ZNF469: variants seen among roughly 807,000 people sequenced by gnomAD.
ZNF469 encodes the protein zinc finger protein 469.
In ZNF469, 1 loss-of-function variant was observed where a neutral mutation model predicts 1.0. The observed-to-expected ratio is 1.00, with a 90% CI of 0.35 to 4.73. ZNF469 has a LOEUF of 4.73. Ranked by LOEUF, ZNF469 falls within the 30% of genes most tolerant of loss-of-function variation. The pLI, the probability that ZNF469 is intolerant of heterozygous loss-of-function variation, is 0.16. For missense variants in ZNF469, 6,100 were observed against 5,356.3 expected, an observed-to-expected ratio of 1.14 and a Z score of -4.33; for synonymous variants, 2,703 against 2,363.4, an observed-to-expected ratio of 1.14 and a Z score of -4.17.
the ZNF469 span, among the ~76,000 whole-genome samples, chr16:88,200,346 C>G: frequency 1.6e-4 from 24 of 152,326 alleles, no homozygotes; most frequent in Non-Finnish European, 3.5e-4. Context: ...GTTGCTTGGA[C>G]AGAAGCCTCA....
chr16:88,428,993 C>T lies in ZNF469; in HGVS notation c.1523C>T (p.Ala508Val), dbSNP rs1567509733. 1.7e-5 allele frequency: 26 copies of T among 1,549,208 alleles called. No individual in the cohort carries two copies. The highest frequency in any genetic ancestry group is 3.6e-5 in the South Asian group (3 of 84,016). ...ATGCTGAGCCGGCTGCCTTTCCCCG[C>T]GGGGGGCCCCGAGTGGCAGGGGGGC... ...MEMLSRLPFP[A>V]GGPEWQGGSQ... The change falls in exon 3 of 3, where the codon GCG becomes GTG. Residue 508 changes from alanine to valine, a missense_variant. Transcript: ENST00000565624.
the ZNF469 span, among the ~76,000 whole-genome samples, chr16:88,246,004 G>T: frequency 6.6e-6 from 1 of 152,276 alleles, no homozygotes; most frequent in African/African-American, 2.4e-5. Flanking sequence ...GGACGCATCC[G>T]CCTGGGCGCC....
chr16:88,128,640 C>T, the ZNF469 span, among the ~76,000 whole-genome samples: 398 of 152,344 alleles, frequency 2.6e-3, 1 homozygote, highest in Non-Finnish European at 3.1e-3. Flanking sequence ...GGCTTCTCTC[C>T]CCCGACCCAG....
the ZNF469 span, among the ~76,000 whole-genome samples, chr16:88,266,899 C>G: frequency 6.6e-6 from 1 of 152,240 alleles, no homozygotes; most frequent in South Asian, 2.1e-4. Context: ...ACAAGAATGA[C>G]ACACTTTGTA....
At chr16:88,221,474 T>C in the ZNF469 span, among the ~76,000 whole-genome samples, 7 of 152,246 alleles carry the variant, frequency 4.6e-5, no homozygotes, top group African/African-American at 1.7e-4. Context: ...CAGGGCCTTG[T>C]AGACGAGCAA....
At chr16:88,388,026 C>T (rs1457297159) in intron 1 of ZNF469, among the ~76,000 whole-genome samples, 3 of 152,252 alleles carry the variant, frequency 2.0e-5, no homozygotes, top group African/African-American at 7.2e-5. Flanking sequence ...CCTCGGTTTG[C>T]GTTACCAAGT....
the ZNF469 span, among the ~76,000 whole-genome samples, chr16:88,139,939 C>A: frequency 2.0e-5 from 3 of 152,194 alleles, no homozygotes; most frequent in African/African-American, 7.2e-5. Flanking sequence ...CTCCAAACAA[C>A]AGCATCAACA....
the ZNF469 span, among the ~76,000 whole-genome samples, chr16:88,370,596 G>A: frequency 5.3e-5 from 8 of 152,142 alleles, no homozygotes; most frequent in East Asian, 1.9e-4. Flanking sequence ...CGTGCCTCAC[G>A]TGTGTCACAT....
At chr16:88,244,923 G>A in the ZNF469 span, among the ~76,000 whole-genome samples, 1 of 151,910 alleles carries the variant, frequency 6.6e-6, no homozygotes, top group African/African-American at 2.4e-5. Context: ...ACCCTCTGAA[G>A]TAGTGCACAA....
chr16:88,337,250 A>T, the ZNF469 span, among the ~76,000 whole-genome samples: 1 of 152,130 alleles, frequency 6.6e-6, no homozygotes. Context: ...TAACTGAATC[A>T]TGGGGGCGGG....
chr16:88,432,062 A>C lies in ZNF469; in HGVS notation c.4592A>C (p.Glu1531Ala). Residue 1531 changes from glutamate to alanine, a missense_variant, in exon 3 of 3, where the codon GAA (glutamate) becomes GCA (alanine). Physicochemically the swap from Glu to Ala is moderately radical, Grantham distance 107 (BLOSUM62 -1). Transcript: ENST00000565624. ...GKVLSKTCPP[E>A]RTVVPGAAPS... Reference sequence around the variant, plus strand: ...GTGCTCAGTAAGACGTGTCCCCCTGAACGGACAGTGGTTCCCGGCGCCGCC... The same window carrying C: ...GTGCTCAGTAAGACGTGTCCCCCTGCACGGACAGTGGTTCCCGGCGCCGCC... The C allele has an allele frequency of 1.3e-6, 2 of 1,550,454 alleles. No homozygotes were observed. The highest frequency in any genetic ancestry group is 1.7e-6 in the Non-Finnish European group (2 of 1,146,984).
the ZNF469 span, among the ~76,000 whole-genome samples, chr16:88,186,140 A>G: frequency 8.6e-5 from 13 of 152,008 alleles, no homozygotes; most frequent in Non-Finnish European, 1.6e-4. Flanking sequence ...CTTCCTGTGG[A>G]GTGTATTCGA....
chr16:88,109,722 A>T, the ZNF469 span, among the ~76,000 whole-genome samples: 6 of 150,616 alleles, frequency 4.0e-5, no homozygotes, highest in African/African-American at 1.5e-4. Context: ...CCTCTCCGGG[A>T]TCAGGAGGTG....
chr16:88,430,407 GC>G lies in ZNF469; in HGVS notation c.2941del (p.Arg981GlyfsTer72). 6.6e-7 allele frequency: 1 copy of G among 1,520,902 alleles called. No individual in the cohort carries two copies. Among genetic ancestry groups the G allele is most frequent in the Non-Finnish European group, 8.8e-7 (1 of 1,138,624 alleles). 94.2% of individuals were successfully genotyped at this position (1,520,902 alleles called of 1,614,324 possible). On this transcript the variant is annotated frameshift_variant, in exon 3 of 3. Transcript: ENST00000565624. LOFTEE classifies it low-confidence loss of function (END_TRUNC). ...GCGGCGGCAGAGCCTCCGGCCTGAG[GC>G]CCCGGAGGAACGACGGTCTCGGGGA... ...GGGGRASGLR[P>X]RRNDGLGERP...
At position 88,433,328 on chromosome 16, in the gene ZNF469, G is replaced by A; in HGVS notation, c.5858G>A (p.Gly1953Asp). ...GTVEGGKVAC[G>D]PAQGSPGGVQ... is the part of the protein sequence containing the mutation. The stretch of plus-strand genomic sequence containing the variant: ...GTGGAAGGAGGGAAGGTGGCCTGTG[G>A]CCCCGCCCAGGGCTCCCCAGGGGGT... Residue 1953 changes from glycine to aspartate, a missense_variant, in exon 3 of 3, where the codon GGC (glycine) becomes GAC (aspartate). By Grantham distance (94) the Gly-to-Asp change is moderately conservative. Coordinates refer to ENST00000565624, the MANE Select transcript of ZNF469 (RefSeq NM_001367624.2). The A allele has an allele frequency of 6.5e-7, 1 of 1,550,318 alleles. No homozygotes were observed. The highest frequency in any genetic ancestry group is 8.7e-7 in the Non-Finnish European group (1 of 1,146,926).
the ZNF469 span, among the ~76,000 whole-genome samples, chr16:88,283,346 T>A: frequency 3.3e-5 from 5 of 150,936 alleles, no homozygotes; most frequent in South Asian, 1.0e-3. Context: ...GTTAACGCAG[T>A]ACACCCTGAA....
the ZNF469 span, among the ~76,000 whole-genome samples, chr16:88,229,704 C>A: frequency 1.3e-5 from 2 of 152,132 alleles, no homozygotes; most frequent in South Asian, 2.1e-4. Context: ...GGATGTCACA[C>A]GTGTGTGCTG....
the ZNF469 span, among the ~76,000 whole-genome samples, chr16:88,330,714 T>C: frequency 1.3e-5 from 2 of 152,162 alleles, no homozygotes; most frequent in Non-Finnish European, 2.9e-5. Flanking sequence ...AAGTTTTCTC[T>C]CCTGGCCCTC....
the ZNF469 span, chr16:88,302,579 A>G: frequency 2.6e-5 from 4 of 152,244 alleles, no homozygotes; most frequent in African/African-American, 9.7e-5. Context: ...AAGGTTCTCC[A>G]TTGCCCTGGT....
Sources: gnomAD v4.1 joint callset for allele counts (sites outside exome capture counted in the v4.1 genomes callset) on GRCh38, gnomAD v4.1.1 for gene constraint, MANE v1.5 for transcripts, NCBI Gene and HGNC (gene_info 2026-07-23, HGNC 2026-07-21) for gene names.